The following IL1RAPL1 variants were observed in gnomAD, a reference collection of about 807,000 sequenced individuals.
The protein encoded by IL1RAPL1 is interleukin 1 receptor accessory protein like 1, also known as interleukin-1 receptor accessory protein-like 1.
Under a neutral mutation model 48.4 loss-of-function variants are expected in IL1RAPL1, and 3 were observed. That is an observed-to-expected ratio of 0.06 (90% confidence interval 0.03 to 0.16). IL1RAPL1 has a LOEUF of 0.16. Among genes scored for constraint, IL1RAPL1 ranks in the 10% least tolerant of loss-of-function variants. The pLI is 1.00. For synonymous variants in IL1RAPL1, 185 were observed against 187.7 expected, an observed-to-expected ratio of 0.99 and a Z score of 0.12; for missense variants, 349 against 530.6, an observed-to-expected ratio of 0.66 and a Z score of 3.36.
intron 1 of IL1RAPL1, among the ~76,000 whole-genome samples, chrX:28,661,798 T>C (rs192062603): frequency 8.6e-4 from 97 of 112,240 alleles, no homozygotes; most frequent in African/African-American, 3.0e-3. Flanking sequence ...TATTCCATAA[T>C]GTTCTCTGTT....
At chrX:29,662,146 T>C (rs896074096) in intron 5 of IL1RAPL1, among the ~76,000 whole-genome samples, 1 of 112,138 alleles carries the variant, frequency 8.9e-6, no homozygotes, top group Non-Finnish European at 1.9e-5. Flanking sequence ...TGGCTATCTT[T>C]GAATTCATTG....
At chrX:29,691,116 GA>G (rs1926760057) in intron 6 of IL1RAPL1, among the ~76,000 whole-genome samples, 1 of 110,769 alleles carries the variant, frequency 9.0e-6, no homozygotes, top group Non-Finnish European at 1.9e-5. Context: ...AAATTTTTGT[GA>G]CCTGCTTACC....
intron 5 of IL1RAPL1, among the ~76,000 whole-genome samples, chrX:29,441,555 G>T (rs189972801): frequency 8.9e-6 from 1 of 112,126 alleles, no homozygotes; most frequent in Admixed American, 9.5e-5. Context: ...TAGTCTGCTA[G>T]TCTTGAAGAT....
intron 2 of IL1RAPL1, among the ~76,000 whole-genome samples, chrX:28,815,865 ATATATAT>A (rs1159025801): frequency 2.7e-5 from 2 of 73,346 alleles, no homozygotes; most frequent in African/African-American, 9.0e-5. Context: ...ATATATATAT[ATATATAT>A]ATATATATAT....
At chrX:29,185,745 T>C (rs1930238523) in intron 2 of IL1RAPL1, among the ~76,000 whole-genome samples, 1 of 111,337 alleles carries the variant, frequency 9.0e-6, no homozygotes, top group South Asian at 3.8e-4. Context: ...TATAAGGAAG[T>C]ATATGATTAA....
At chrX:29,496,178 A>G (rs1253850894) in intron 5 of IL1RAPL1, among the ~76,000 whole-genome samples, 1 of 112,075 alleles carries the variant, frequency 8.9e-6, no homozygotes, top group African/African-American at 3.2e-5. Context: ...AGCTCCCTAC[A>G]TATAGAATAT....
intron 2 of IL1RAPL1, among the ~76,000 whole-genome samples, chrX:29,083,665 G>A (rs1927890923): frequency 8.9e-6 from 1 of 111,742 alleles, no homozygotes; most frequent in Admixed American, 9.5e-5. Context: ...AATGATCTAT[G>A]AGACAATAGA....
intron 5 of IL1RAPL1, among the ~76,000 whole-genome samples, chrX:29,437,593 C>T (rs1934496550): frequency 9.1e-6 from 1 of 110,458 alleles, no homozygotes; most frequent in South Asian, 3.8e-4. Flanking sequence ...GATGTGTCCC[C>T]TAATCCCTTT....
chrX:28,927,007 A>G (rs1422280614), intron 2 of IL1RAPL1, among the ~76,000 whole-genome samples: 1 of 110,252 alleles, frequency 9.1e-6, no homozygotes, highest in Non-Finnish European at 1.9e-5. Flanking sequence ...AAATCCTCCC[A>G]CCTCAGCTTC....
intron 2 of IL1RAPL1, among the ~76,000 whole-genome samples, chrX:28,814,539 C>G (rs1246478617): frequency 9.1e-6 from 1 of 110,286 alleles, no homozygotes; most frequent in African/African-American, 3.3e-5. Flanking sequence ...CTTTCTTAAT[C>G]ATTTTGTGTG....
intron 3 of IL1RAPL1, among the ~76,000 whole-genome samples, chrX:29,332,640 ATTTATTTATTTTATTT>A (rs1203374172): frequency 5.6e-4 from 54 of 96,019 alleles, no homozygotes; most frequent in African/African-American, 2.1e-3. Flanking sequence ...TTATTTATTT[ATTTATTTATTTTATTT>A]TTTTTTTTTT....
intron 2 of IL1RAPL1, among the ~76,000 whole-genome samples, chrX:29,203,085 GT>G (rs1930588544): frequency 9.0e-6 from 1 of 111,720 alleles, no homozygotes. Context: ...ACTGAGATCT[GT>G]ACTAGGTGAG....
intron 1 of IL1RAPL1, among the ~76,000 whole-genome samples, chrX:28,656,744 C>T (rs750341154): frequency 3.6e-5 from 4 of 111,633 alleles, no homozygotes; most frequent in African/African-American, 9.8e-5. Flanking sequence ...TAAGATTTTA[C>T]GGCCGGGCGT....
intron 1 of IL1RAPL1, among the ~76,000 whole-genome samples, chrX:28,608,516 C>T (rs1213647552): frequency 9.0e-6 from 1 of 111,689 alleles, no homozygotes; most frequent in Admixed American, 9.6e-5. Flanking sequence ...GAAGAAAATG[C>T]CTTACCTTAA....
chrX:29,866,620 C>T (rs891824084), intron 6 of IL1RAPL1, among the ~76,000 whole-genome samples: 3 of 106,784 alleles, frequency 2.8e-5, no homozygotes, highest in African/African-American at 1.0e-4. Context: ...TTGTGATTAC[C>T]ATTACCATAT....
At position 29,406,971 on chromosome X, in the gene IL1RAPL1, A is replaced by G. The variant is rs184296884; in HGVS notation, c.703+7663A>G. On this transcript the variant is annotated intron_variant, in intron 5 of 10. Coordinates refer to ENST00000378993, the MANE Select transcript of IL1RAPL1 (RefSeq NM_014271.4). Reference sequence around the variant, plus strand: ...TGTTATATTTAAAAGGCTCTGTATAAAGCTGTGTAATATGCTTTTATATTT... The same window carrying G: ...TGTTATATTTAAAAGGCTCTGTATAGAGCTGTGTAATATGCTTTTATATTT... Among the ~76,000 whole-genome samples, 26 of 112,401 alleles carry G rather than the reference A, an allele frequency of 2.3e-4. No individual in the cohort carries two copies. In the Middle Eastern group the frequency reaches 0.014, roughly 60 times the overall value.
intron 2 of IL1RAPL1, among the ~76,000 whole-genome samples, chrX:29,085,896 T>C (rs1927942710): frequency 1.8e-5 from 2 of 112,137 alleles, no homozygotes; most frequent in African/African-American, 3.2e-5. Context: ...GGTTATTAAA[T>C]ATTTGGCATT....
intron 6 of IL1RAPL1, among the ~76,000 whole-genome samples, chrX:29,702,251 CAA>C (rs1299590583): frequency 8.4e-5 from 5 of 59,833 alleles, no homozygotes; most frequent in African/African-American, 6.2e-5. Context: ...GAGACTCTGT[CAA>C]AAAAAAAAAA....
chrX:29,021,963 AT>A (rs1483191771), intron 2 of IL1RAPL1, among the ~76,000 whole-genome samples: 2 of 111,841 alleles, frequency 1.8e-5, no homozygotes, highest in East Asian at 5.6e-4. Context: ...ATCTATTAAT[AT>A]TTTATACATC....
Sources: allele counts gnomAD v4.1 joint callset (sites outside exome capture counted in the v4.1 genomes callset), GRCh38; gene constraint gnomAD v4.1.1; transcripts MANE v1.5; gene names NCBI Gene and HGNC (gene_info 2026-07-23, HGNC 2026-07-21).